The following CMSS1 variants were observed in gnomAD, a reference collection of about 807,000 sequenced individuals.
CMSS1 encodes cms1 ribosomal small subunit homolog, also known as protein CMSS1.
CMSS1 carries 33 observed loss-of-function variants against 43.5 expected under a neutral mutation model. The ratio of observed to expected loss-of-function variants is 0.76; its 90% CI spans 0.57 to 1.01. The LOEUF is 1.01. Among genes scored for constraint, CMSS1 ranks in the 50% least tolerant of loss-of-function variants. The pLI is 0.00. For missense variants in CMSS1, 313 were observed against 326.4 expected (o/e 0.96, Z 0.32); for synonymous variants, 115 against 117.2 (o/e 0.98, Z 0.12).
At chr3:99,840,191 T>C (rs1943069250) in intron 1 of CMSS1, among the ~76,000 whole-genome samples, 1 of 151,458 alleles carries the variant, frequency 6.6e-6, no homozygotes, top group African/African-American at 2.4e-5. Context: ...GCTGATAGGA[T>C]TAGGGGTAAA....
At chr3:100,011,113 C>T (rs543564527) in intron 1 of CMSS1, among the ~76,000 whole-genome samples, 4 of 152,180 alleles carry the variant, frequency 2.6e-5, no homozygotes, top group Non-Finnish European at 4.4e-5. Flanking sequence ...ATATTAAGCA[C>T]GACAGAGACA....
At chr3:100,084,460 A>G (rs2065976677) in intron 1 of CMSS1, among the ~76,000 whole-genome samples, 1 of 152,240 alleles carries the variant, frequency 6.6e-6, no homozygotes, top group South Asian at 2.1e-4. Context: ...ATATATAGAA[A>G]AACTCAAAGA....
rs771375259 is a variant in CMSS1, at chr3:100,138,062, G to A, written c.65-8911G>A. On this transcript the variant is annotated intron_variant, in intron 1 of 9. Coordinates refer to ENST00000421999, the MANE Select transcript of CMSS1 (RefSeq NM_032359.4). Reference sequence around the variant, plus strand: ...ACACATCTACAACCATCTGATCTTCGACAAACCTGACAAAAACAAGCAATG... The same window carrying A: ...ACACATCTACAACCATCTGATCTTCAACAAACCTGACAAAAACAAGCAATG... Among the ~76,000 whole-genome samples, 4 of 152,082 alleles carry A rather than the reference G, an allele frequency of 2.6e-5. No homozygotes were observed. The South Asian group carries it at 6.2e-4, about 24-fold the overall frequency.
At chr3:100,103,982 G>A (rs2066352692) in intron 1 of CMSS1, among the ~76,000 whole-genome samples, 1 of 152,240 alleles carries the variant, frequency 6.6e-6, no homozygotes, top group African/African-American at 2.4e-5. Context: ...GAGGTTTTCA[G>A]TTAGTAGAAG....
Position 99,974,548 on chromosome 3 carries a change from A to C in CMSS1, c.64+156505A>C, listed in dbSNP as rs577149451. On this transcript the variant is annotated intron_variant, in intron 1 of 9. Transcript: ENST00000421999. ...AACATGGAGAAACCCCGTCTCTACT[A>C]AAAATACAAAATTAGCCGGGTGGTG... Among the ~76,000 whole-genome samples the C allele has an allele frequency of 2.1e-3, 326 of 152,270 alleles. 1 individual carries two copies. The highest frequency in any genetic ancestry group is 7.4e-3 in the African/African-American group (307 of 41,542).
chr3:100,071,597 T>G (rs2065764914), intron 1 of CMSS1, among the ~76,000 whole-genome samples: 1 of 152,210 alleles, frequency 6.6e-6, no homozygotes, highest in African/African-American at 2.4e-5. Flanking sequence ...AGCCCCATTT[T>G]TGATGTCCTC....
At chr3:99,999,765 G>T (rs750348432) in intron 1 of CMSS1, among the ~76,000 whole-genome samples, 1 of 152,122 alleles carries the variant, frequency 6.6e-6, no homozygotes, top group African/African-American at 2.4e-5. Context: ...TTGCTCAATG[G>T]CAAGGGGAGA....
intron 1 of CMSS1, among the ~76,000 whole-genome samples, chr3:99,999,734 T>C (rs981021288): frequency 6.6e-6 from 1 of 152,216 alleles, no homozygotes; most frequent in Admixed American, 6.5e-5. Flanking sequence ...TTAAAAGCCC[T>C]GGGTTGTTTC....
chr3:99,872,696 AC>A (rs200260958), intron 1 of CMSS1, among the ~76,000 whole-genome samples: 2,396 of 152,274 alleles, frequency 0.016, 57 homozygotes, highest in African/African-American at 0.054. Flanking sequence ...GAAAAAGAAT[AC>A]TGCTAATGTG....
At chr3:99,999,442 T>G (rs1211933654) in intron 1 of CMSS1, among the ~76,000 whole-genome samples, 1 of 152,186 alleles carries the variant, frequency 6.6e-6, no homozygotes, top group Non-Finnish European at 1.5e-5. Context: ...GGGAGGAAAT[T>G]GCAACAACTG....
At chr3:100,047,490 T>C (rs1428662084) in intron 1 of CMSS1, among the ~76,000 whole-genome samples, 3 of 152,230 alleles carry the variant, frequency 2.0e-5, no homozygotes, top group Non-Finnish European at 4.4e-5. Flanking sequence ...ACCATTATTA[T>C]TCATAACCTC....
At chr3:100,032,159 G>A (rs910057743) in intron 1 of CMSS1, among the ~76,000 whole-genome samples, 5 of 152,120 alleles carry the variant, frequency 3.3e-5, no homozygotes, top group African/African-American at 1.2e-4. Flanking sequence ...TTAAAACATG[G>A]AGTAAAATAT....
Position 99,946,704 on chromosome 3 carries a change from A to C in CMSS1, c.64+128661A>C, listed in dbSNP as rs546792907. On this transcript the variant is annotated intron_variant, in intron 1 of 9. Coordinates refer to ENST00000421999, the MANE Select transcript of CMSS1 (RefSeq NM_032359.4). ...GGTATTTGAGGGATGATTGTAGTTT[A>C]ACGTGGTGGTGGCTACATCTGGAGG... 2.1e-4 allele frequency among the ~76,000 whole-genome samples: 32 copies of C among 152,354 alleles called. 1 individual carries two copies. The highest frequency in any genetic ancestry group is 6.3e-4 in the African/African-American group (26 of 41,594).
intron 1 of CMSS1, among the ~76,000 whole-genome samples, chr3:100,138,378 A>C (rs1033004370): frequency 5.3e-5 from 8 of 152,240 alleles, no homozygotes; most frequent in Non-Finnish European, 8.8e-5. Context: ...TGCACAGCAA[A>C]AGAAACTATC....
At chr3:99,836,482 G>A (rs1291622972) in intron 1 of CMSS1, among the ~76,000 whole-genome samples, 2 of 152,164 alleles carry the variant, frequency 1.3e-5, no homozygotes, top group African/African-American at 2.4e-5. Context: ...TTTGAGGATC[G>A]TGGTAGAGAA....
At chr3:100,023,110 G>A (rs1339936600) in intron 1 of CMSS1, among the ~76,000 whole-genome samples, 1 of 152,214 alleles carries the variant, frequency 6.6e-6, no homozygotes, top group African/African-American at 2.4e-5. Context: ...TGGTGCCTGA[G>A]AATGGAAAGA....
intron 1 of CMSS1, among the ~76,000 whole-genome samples, chr3:100,059,705 T>C (rs757352893): frequency 1.3e-4 from 20 of 152,192 alleles, no homozygotes; most frequent in Non-Finnish European, 2.6e-4. Context: ...AGTCAGTCAT[T>C]ACACAACTCC....
chr3:100,035,634 C>A (rs960960250), intron 1 of CMSS1, among the ~76,000 whole-genome samples: 2 of 152,158 alleles, frequency 1.3e-5, no homozygotes, highest in African/African-American at 2.4e-5. Context: ...TTTCACCCCA[C>A]CAAACTGTTA....
intron 3 of CMSS1, among the ~76,000 whole-genome samples, chr3:100,161,325 CA>C (rs2067021541): frequency 6.6e-6 from 1 of 152,114 alleles, no homozygotes; most frequent in South Asian, 2.1e-4. Flanking sequence ...TGAGGTTTGG[CA>C]AGTCCTTAAA....
Sources: allele counts gnomAD v4.1 joint callset (sites outside exome capture counted in the v4.1 genomes callset), GRCh38; gene constraint gnomAD v4.1.1; transcripts MANE v1.5; gene names NCBI Gene and HGNC (gene_info 2026-07-23, HGNC 2026-07-21).